Variants in PALM2AKAP2 observed in about 807,000 individuals in gnomAD.
The protein encoded by PALM2AKAP2 is PALM2 and AKAP2 fusion, also known as PALM2-AKAP2 fusion protein.
Under a neutral mutation model 71.5 loss-of-function variants are expected in PALM2AKAP2, and 37 were observed. The ratio of observed to expected loss-of-function variants is 0.52; its 90% CI spans 0.40 to 0.68. The LOEUF is 0.68. Ranked by LOEUF, PALM2AKAP2 falls within the 30% of genes least tolerant of loss-of-function variation. The pLI, the probability that PALM2AKAP2 is intolerant of heterozygous loss-of-function variation, is 0.00. For synonymous variants in PALM2AKAP2, 468 were observed against 478.8 expected (o/e 0.98, Z 0.29); for missense variants, 1,224 against 1,191.8 (o/e 1.03, Z -0.40).
Position 109,684,933 on chromosome 9 carries a change from G to A in PALM2AKAP2, c.5+44067G>A, listed in dbSNP as rs149955282. 1.2e-3 allele frequency among the ~76,000 whole-genome samples: 177 copies of A among 152,232 alleles called. 1 individual carries two copies. Among genetic ancestry groups the A allele is most frequent in the African/African-American group, 4.0e-3 (167 of 41,550 alleles). On this transcript the variant is annotated intron_variant, in intron 1 of 6. Transcript: ENST00000374531. ...CAGCAGGTGAGTAGATAAGAAAACTGTGGCACATCCGTACAATAAAATGTT... is the reference window on the plus strand; with the variant it reads ...CAGCAGGTGAGTAGATAAGAAAACTATGGCACATCCGTACAATAAAATGTT...
chr9:109,665,561 G>A (rs577334439), intron 1 of PALM2AKAP2, among the ~76,000 whole-genome samples: 1 of 152,286 alleles, frequency 6.6e-6, no homozygotes, highest in African/African-American at 2.4e-5. Flanking sequence ...TCCTCTGGAA[G>A]CTTTGTCCCA....
chr9:109,898,796 C>T (rs921505765), intron 3 of PALM2AKAP2, among the ~76,000 whole-genome samples: 1 of 152,198 alleles, frequency 6.6e-6, no homozygotes, highest in Non-Finnish European at 1.5e-5. Context: ...CCCATTCACT[C>T]TCCTACACCT....
intron 1 of PALM2AKAP2, among the ~76,000 whole-genome samples, chr9:109,647,892 A>G (rs1827175388): frequency 6.6e-6 from 1 of 152,252 alleles, no homozygotes; most frequent in Non-Finnish European, 1.5e-5. Context: ...TGAGGAAATG[A>G]GCACATGTCA....
chr9:109,803,426 G>T (rs1827487226), intron 1 of PALM2AKAP2, among the ~76,000 whole-genome samples: 1 of 152,144 alleles, frequency 6.6e-6, no homozygotes, highest in African/African-American at 2.4e-5. Context: ...TGGTGAATTT[G>T]TCTCATGGAG....
At chr9:110,078,992 G>T (rs1220925537) in intron 1 of PALM2AKAP2, among the ~76,000 whole-genome samples, 1 of 152,132 alleles carries the variant, frequency 6.6e-6, no homozygotes, top group African/African-American at 2.4e-5. Context: ...TTGAAATATC[G>T]CCCTGGGCCG....
intron 1 of PALM2AKAP2, among the ~76,000 whole-genome samples, chr9:109,864,605 T>A (rs1207947385): frequency 1.3e-5 from 2 of 152,208 alleles, no homozygotes; most frequent in African/African-American, 4.8e-5. Context: ...TCTGGCCCAC[T>A]ACCTGTGTTT....
chr9:110,085,524 C>T (rs570781390), intron 1 of PALM2AKAP2, among the ~76,000 whole-genome samples: 3 of 151,996 alleles, frequency 2.0e-5, no homozygotes, highest in South Asian at 4.2e-4. Flanking sequence ...AACTTTGGGC[C>T]GAGTTAGCAA....
intron 1 of PALM2AKAP2, among the ~76,000 whole-genome samples, chr9:109,685,135 T>A (rs1394234006): frequency 6.6e-6 from 1 of 152,010 alleles, no homozygotes; most frequent in African/African-American, 2.4e-5. Context: ...ATTACCTGAG[T>A]CTAAGGGGTG....
chr9:109,811,525 A>T lies in PALM2AKAP2; in HGVS notation c.45+30992A>T, dbSNP rs374721781. 5.3e-5 allele frequency among the ~76,000 whole-genome samples: 8 copies of T among 152,300 alleles called. No homozygotes were observed. The South Asian group carries it at 1.7e-3, about 32-fold the overall frequency. ...TACATTTTTATATGTTAAATATCCT[A>T]TATAATAGTAATAATTATCTGCTGT... On this transcript the variant is annotated intron_variant, in intron 1 of 9. Coordinates refer to the PALM2AKAP2 transcript ENST00000302798.
intron 2 of PALM2AKAP2, among the ~76,000 whole-genome samples, chr9:110,146,447 A>G (rs933336016): frequency 2.6e-5 from 4 of 152,150 alleles, no homozygotes; most frequent in Non-Finnish European, 5.9e-5. Context: ...CTACTTCTGC[A>G]TGGCCTCTCC....
At chr9:110,032,060 GA>G (rs560993508) in intron 7 of PALM2AKAP2, among the ~76,000 whole-genome samples, 10,042 of 119,372 alleles carry the variant, frequency 0.084, 365 homozygotes, top group Middle Eastern at 0.1. Context: ...AGCTTACGGG[GA>G]AAAAAAAAAA....
chr9:109,739,687 TC>T (rs1345444234), intron 1 of PALM2AKAP2, among the ~76,000 whole-genome samples: 2 of 152,218 alleles, frequency 1.3e-5, no homozygotes, highest in Admixed American at 6.5e-5. Context: ...AATTTCTTCC[TC>T]CTCTTTTTAA....
intron 1 of PALM2AKAP2, among the ~76,000 whole-genome samples, chr9:109,819,701 GTGTA>G (rs10553516): frequency 0.19 from 24,159 of 127,480 alleles, 2,604 homozygotes; most frequent in African/African-American, 0.44. Context: ...ATGTGTGTGT[GTGTA>G]TGTGTGTGTG....
intron 6 of PALM2AKAP2, 63 bp downstream of exon 6, chr9:109,932,091 A>G: frequency 6.7e-7 from 1 of 1,489,544 alleles, no homozygotes; most frequent in South Asian, 1.3e-5. Context: ...ACTGAGCTTT[A>G]TTAATGAGAT....
intron 3 of PALM2AKAP2, among the ~76,000 whole-genome samples, chr9:109,887,453 C>T (rs996569058): frequency 2.0e-5 from 3 of 152,186 alleles, no homozygotes; most frequent in African/African-American, 4.8e-5. Flanking sequence ...TCTTTTGTTT[C>T]CTTCCAAAAT....
intron 1 of PALM2AKAP2, among the ~76,000 whole-genome samples, chr9:109,759,976 G>A (rs911127974): frequency 2.6e-5 from 4 of 152,096 alleles, no homozygotes; most frequent in Admixed American, 2.6e-4. Flanking sequence ...ATGTATACAT[G>A]CATATAATTA....
intron 1 of PALM2AKAP2, among the ~76,000 whole-genome samples, chr9:109,785,870 C>G (rs1826948802): frequency 6.6e-6 from 1 of 152,192 alleles, no homozygotes; most frequent in South Asian, 2.1e-4. Context: ...CAACTAAGAT[C>G]CTGCTGGACT....
chr9:110,152,139 A>G (rs1426686792), intron 2 of PALM2AKAP2, among the ~76,000 whole-genome samples: 2 of 152,206 alleles, frequency 1.3e-5, no homozygotes, highest in Non-Finnish European at 2.9e-5. Context: ...CAGGAGGCTG[A>G]GGCAGGAGAA....
intron 3 of PALM2AKAP2, among the ~76,000 whole-genome samples, chr9:110,159,737 C>T (rs1308786975): frequency 6.6e-6 from 1 of 152,150 alleles, no homozygotes; most frequent in African/African-American, 2.4e-5. Flanking sequence ...GTCCCCCGAG[C>T]CCCCATCAGG....
Sources: allele counts gnomAD v4.1 joint callset (sites outside exome capture counted in the v4.1 genomes callset), GRCh38; gene constraint gnomAD v4.1.1; transcripts MANE v1.5; gene names NCBI Gene and HGNC (gene_info 2026-07-23, HGNC 2026-07-21).